RFX3: variants seen among roughly 807,000 people sequenced by gnomAD.
The protein encoded by RFX3 is regulatory factor X3.
RFX3 carries 14 observed loss-of-function variants against 98.6 expected under a neutral mutation model. That is an observed-to-expected ratio of 0.14 (90% CI 0.09 to 0.22). The LOEUF (loss-of-function observed/expected upper bound fraction) is 0.22. Ranked by LOEUF, RFX3 falls within the 10% of genes least tolerant of loss-of-function variation. The pLI, the probability that RFX3 is intolerant of heterozygous loss-of-function variation, is 1.00. For synonymous variants in RFX3, 383 were observed against 328.4 expected, an observed-to-expected ratio of 1.17 and a Z score of -1.80; for missense variants, 639 against 926.9, an observed-to-expected ratio of 0.69 and a Z score of 4.03.
At chr9:3,362,726 GAC>G (rs1277531734) in intron 2 of RFX3, among the ~76,000 whole-genome samples, 4 of 152,150 alleles carry the variant, frequency 2.6e-5, no homozygotes, top group African/African-American at 9.7e-5. Context: ...TTGACCTTGT[GAC>G]CATCTGAGAA....
Position 3,263,097 on chromosome 9 carries a change from C to A in RFX3, c.1456-13G>T. 2 of 1,610,696 alleles carry A rather than the reference C, an allele frequency of 1.2e-6. No individual in the cohort carries two copies. The highest frequency in any genetic ancestry group is 1.7e-6 in the Non-Finnish European group (2 of 1,178,336). On this transcript the variant is annotated splice_polypyrimidine_tract_variant and intron_variant, in intron 12 of 16. Transcript: ENST00000617270. ...TTACAGCGGCAACCTGTAACGCAATCCAATTAAGTTGGGATTCTGTTTCCT... is the reference window on the plus strand; with the variant it reads ...TTACAGCGGCAACCTGTAACGCAATACAATTAAGTTGGGATTCTGTTTCCT...
chr9:3,380,808 T>A (rs1389039024), intron 2 of RFX3, among the ~76,000 whole-genome samples: 1 of 152,160 alleles, frequency 6.6e-6, no homozygotes, highest in Non-Finnish European at 1.5e-5. Flanking sequence ...TTTAACACAA[T>A]TAGTTAAGAA....
At chr9:3,424,103 C>T (rs1433222281) in intron 1 of RFX3, among the ~76,000 whole-genome samples, 12 of 149,836 alleles carry the variant, frequency 8.0e-5, no homozygotes, top group Non-Finnish European at 1.3e-4. Context: ...GCTGAGATCG[C>T]GCCACTACAC....
intron 1 of RFX3, chr9:3,524,531 A>T (rs2133961244): frequency 1.0e-6 from 1 of 980,534 alleles, no homozygotes; most frequent in Non-Finnish European, 1.2e-6. Flanking sequence ...CTTGAATTTC[A>T]ACTCTCAAAG....
At chr9:3,329,552 T>C (rs1236412528) in intron 4 of RFX3, among the ~76,000 whole-genome samples, 6 of 152,118 alleles carry the variant, frequency 3.9e-5, no homozygotes, top group African/African-American at 1.4e-4. Context: ...ATATTTTTCA[T>C]CTGAATCACC....
chr9:3,371,384 G>A (rs1460106960), intron 2 of RFX3, among the ~76,000 whole-genome samples: 1 of 152,024 alleles, frequency 6.6e-6, no homozygotes, highest in African/African-American at 2.4e-5. Flanking sequence ...AAGTACTTAG[G>A]ATTAAATAAG....
Position 3,368,398 on chromosome 9 carries a change from T to A in RFX3, c.118-21634A>T, listed in dbSNP as rs114312750. On this transcript the variant is annotated intron_variant, in intron 2 of 16. Transcript: ENST00000617270. ...GTATGACATTTTTAAAACAAAAGAA[T>A]AAATAAGGTAAAGCAATAAAAAATT... Among the ~76,000 whole-genome samples the A allele has an allele frequency of 4.6e-3, 702 of 152,172 alleles. 5 individuals carry two copies. Among genetic ancestry groups the A allele is most frequent in the African/African-American group, 0.016 (673 of 41,536 alleles).
rs1055141750 is a variant in RFX3, at chr9:3,237,497, C to T, written c.1969-8608G>A. The stretch of plus-strand genomic sequence containing the variant: ...TTATATACATTATTACTTGGATAGT[C>T]AATGCAGAATTGGTATTTAAAAATC... On this transcript the variant is annotated intron_variant, in intron 15 of 16. Coordinates refer to ENST00000617270, the MANE Select transcript of RFX3 (RefSeq NM_001282116.2). Among the ~76,000 whole-genome samples, 5 of 152,174 alleles carry T rather than the reference C, an allele frequency of 3.3e-5. No individual in the cohort carries two copies. The South Asian group carries it at 1.0e-3, about 32-fold the overall frequency.
At chr9:3,345,367 G>C (rs1324787512) in intron 3 of RFX3, among the ~76,000 whole-genome samples, 1 of 152,296 alleles carries the variant, frequency 6.6e-6, no homozygotes, top group African/African-American at 2.4e-5. Flanking sequence ...TAGAAAATAA[G>C]GCGGAGGTAG....
intron 1 of RFX3, among the ~76,000 whole-genome samples, chr9:3,525,539 C>A (rs1036884559): frequency 6.6e-6 from 1 of 151,888 alleles, no homozygotes; most frequent in Non-Finnish European, 1.5e-5. Context: ...CACCCCCGAC[C>A]CAGCCGCGGC....
chr9:3,368,579 T>C (rs1392646302), intron 2 of RFX3, among the ~76,000 whole-genome samples: 2 of 152,186 alleles, frequency 1.3e-5, no homozygotes, highest in African/African-American at 4.8e-5. Context: ...AGGGATATCA[T>C]TTCCTTAACT....
chr9:3,408,217 C>G (rs1371569449), intron 1 of RFX3, among the ~76,000 whole-genome samples: 2 of 152,148 alleles, frequency 1.3e-5, no homozygotes, highest in Admixed American at 6.6e-5. Context: ...ATTTAACTCT[C>G]CTTCCTAATG....
At chr9:3,264,855 C>A (rs553423692) in intron 12 of RFX3, among the ~76,000 whole-genome samples, 1 of 152,296 alleles carries the variant, frequency 6.6e-6, no homozygotes, top group African/African-American at 2.4e-5. Flanking sequence ...CTCTGGAGGT[C>A]AATGAGATGG....
intron 1 of RFX3, among the ~76,000 whole-genome samples, chr9:3,402,894 A>T (rs534902540): frequency 6.6e-6 from 1 of 151,976 alleles, no homozygotes; most frequent in Non-Finnish European, 1.5e-5. Flanking sequence ...GATAATGAAC[A>T]ATATTAAGAT....
chr9:3,332,783 G>C (rs1158060498), intron 3 of RFX3, among the ~76,000 whole-genome samples: 1 of 152,090 alleles, frequency 6.6e-6, no homozygotes, highest in Non-Finnish European at 1.5e-5. Flanking sequence ...TTCTGGTCCT[G>C]ACAAAGTGCC....
intron 1 of RFX3, among the ~76,000 whole-genome samples, chr9:3,421,257 T>C (rs1057034772): frequency 7.9e-5 from 12 of 152,096 alleles, no homozygotes; most frequent in African/African-American, 2.9e-4. Flanking sequence ...GCTTACAAAG[T>C]CTTGAGGAGC....
chr9:3,246,012 G>C (rs1448826699), intron 15 of RFX3, among the ~76,000 whole-genome samples: 1 of 152,118 alleles, frequency 6.6e-6, no homozygotes, highest in East Asian at 1.9e-4. Context: ...TTTTAGATAT[G>C]ATAGTATGAC....
In RFX3 at chr9:3,329,426, AAAC is replaced by A. The variant is rs1344474267; in HGVS notation, c.474+830_474+832del. On this transcript the variant is annotated intron_variant, in intron 4 of 16. Transcript: ENST00000617270. ...TCATCTCAAAAAAAAAAAAAAAAAAAAACAAAAAACCACCAAACAATAACCCAC... is the reference window on the plus strand; with the variant it reads ...TCATCTCAAAAAAAAAAAAAAAAAAAAAAAAACCACCAAACAATAACCCAC... Among the ~76,000 whole-genome samples, 169 of 149,674 alleles carry A rather than the reference AAAC, an allele frequency of 1.1e-3. 16 individuals carry two copies. The highest frequency in any genetic ancestry group is 3.7e-3 in the African/African-American group (150 of 40,412).
chr9:3,243,970 T>C (rs1245825541), intron 15 of RFX3, among the ~76,000 whole-genome samples: 1 of 151,856 alleles, frequency 6.6e-6, no homozygotes, highest in African/African-American at 2.4e-5. Context: ...TTTTTGGTTC[T>C]GTGTCTCATT....
Sources: gnomAD v4.1 joint callset for allele counts (sites outside exome capture counted in the v4.1 genomes callset) on GRCh38, gnomAD v4.1.1 for gene constraint, MANE v1.5 for transcripts, NCBI Gene and HGNC (gene_info 2026-07-23, HGNC 2026-07-21) for gene names.